ANKRD29: variants seen among roughly 807,000 people sequenced by gnomAD.
ANKRD29 encodes ankyrin repeat domain 29.
Under a neutral mutation model 38.0 loss-of-function variants are expected in ANKRD29, and 32 were observed. The ratio of observed to expected loss-of-function variants is 0.84; its 90% confidence interval spans 0.64 to 1.13. The LOEUF is 1.13. ANKRD29 is among the 50% of genes most tolerant of loss of function. The pLI is 0.00. For synonymous variants in ANKRD29, 135 were observed against 152.4 expected (o/e 0.89, Z 0.84); for missense variants, 357 against 377.9 (o/e 0.94, Z 0.46).
At chr18:23,621,458 G>T (rs2059796493) in intron 6 of ANKRD29, among the ~76,000 whole-genome samples, 1 of 140,696 alleles carries the variant, frequency 7.1e-6, no homozygotes, top group South Asian at 2.2e-4. Context: ...TCTTGGGAGA[G>T]ACAGTGGAAG....
intron 1 of ANKRD29, among the ~76,000 whole-genome samples, chr18:23,654,180 T>C (rs923733139): frequency 1.3e-5 from 2 of 151,730 alleles, no homozygotes; most frequent in South Asian, 4.2e-4. Context: ...GCAGGAGAAT[T>C]GCTTGAATCC....
At position 23,629,956 on chromosome 18, in the gene ANKRD29, G is replaced by C; in HGVS notation, c.430-5C>G. 1 of 1,609,446 alleles carries C rather than the reference G, an allele frequency of 6.2e-7. No homozygotes were observed. Among genetic ancestry groups the C allele is most frequent in the Non-Finnish European group, 8.5e-7 (1 of 1,176,000 alleles). ...GAAGAGGGCAGTGGCTCCATCCTGA[G>C]AGAGAACAAATTAAAAGCATTAAAA... is the stretch of plus-strand genomic sequence containing the variant. On this transcript the variant is annotated splice_polypyrimidine_tract_variant and splice_region_variant and intron_variant, in intron 5 of 9. Transcript: ENST00000592179.
At chr18:23,640,556 A>G (rs2060060639) in intron 3 of ANKRD29, among the ~76,000 whole-genome samples, 1 of 152,172 alleles carries the variant, frequency 6.6e-6, no homozygotes, top group Non-Finnish European at 1.5e-5. Context: ...AGCTCAAAAC[A>G]TTTCTCAAAA....
rs772817461 is a variant in ANKRD29 at position 23,632,531 on chromosome 18, G to GTATATATATATATATA, written c.429+1519_429+1520insTATATATATATATATA. 3.4e-3 allele frequency among the ~76,000 whole-genome samples: 432 copies of GTATATATATATATATA among 126,890 alleles called. 4 individuals are homozygous for GTATATATATATATATA. Among genetic ancestry groups the GTATATATATATATATA allele is most frequent in the Non-Finnish European group, 3.9e-3 (246 of 63,018 alleles). 83.2% of individuals were successfully genotyped at this position (126,890 alleles called of 152,430 possible). A position where few individuals can be genotyped will look rare whatever the true frequency, so the allele number is the denominator to read the frequency against. On this transcript the variant is annotated intron_variant, in intron 5 of 9. Coordinates refer to ENST00000592179, the MANE Select transcript of ANKRD29 (RefSeq NM_173505.4). The stretch of plus-strand genomic sequence containing the variant: ...TCCTATTCAGTGTGTGTGTGTGTGT[G>GTATATATATATATATA]TGTATATATATATATATTACACACT...
At chr18:23,618,293 G>A (rs895177804) in intron 7 of ANKRD29, among the ~76,000 whole-genome samples, 1 of 152,212 alleles carries the variant, frequency 6.6e-6, no homozygotes, top group African/African-American at 2.4e-5. Context: ...CCCGTGTGTG[G>A]GTAGTGGGGC....
At chr18:23,621,602 T>C (rs376476265) in intron 6 of ANKRD29, among the ~76,000 whole-genome samples, 18 of 152,348 alleles carry the variant, frequency 1.2e-4, no homozygotes, top group South Asian at 6.2e-4. Flanking sequence ...ATTTGTACTT[T>C]AGTTTAAAAG....
chr18:23,616,368 C>T (rs58463682), intron 8 of ANKRD29, among the ~76,000 whole-genome samples: 4,813 of 149,308 alleles, frequency 0.032, 249 homozygotes, highest in African/African-American at 0.11. Flanking sequence ...ATCTCTACAA[C>T]AAATTTAAAA....
At chr18:23,635,636 A>G (rs2059993060) in intron 4 of ANKRD29, among the ~76,000 whole-genome samples, 1 of 152,192 alleles carries the variant, frequency 6.6e-6, no homozygotes, top group African/African-American at 2.4e-5. Context: ...GTAGTTTCTA[A>G]ATTTGGGCAT....
chr18:23,628,165 G>A (rs965281636), intron 6 of ANKRD29, among the ~76,000 whole-genome samples: 1 of 152,190 alleles, frequency 6.6e-6, no homozygotes, highest in African/African-American at 2.4e-5. Flanking sequence ...AATGATGAAA[G>A]TCAGGCCCAG....
intron 1 of ANKRD29, among the ~76,000 whole-genome samples, chr18:23,662,024 GA>G (rs369229716): frequency 0.022 from 2,134 of 98,994 alleles, 18 homozygotes; most frequent in South Asian, 0.065. Flanking sequence ...TTTCTCATTT[GA>G]AAAAAAAAAA....
chr18:23,614,655 G>A (rs1218655279), intron 8 of ANKRD29, among the ~76,000 whole-genome samples: 1 of 146,014 alleles, frequency 6.8e-6, no homozygotes, highest in African/African-American at 2.6e-5. Flanking sequence ...GCAACATAGC[G>A]AGACCCTGTC....
intron 1 of ANKRD29, among the ~76,000 whole-genome samples, chr18:23,655,950 G>A (rs887625701): frequency 8.0e-5 from 12 of 150,174 alleles, no homozygotes; most frequent in Non-Finnish European, 1.6e-4. Context: ...AAAATTAGCC[G>A]GGCGTAGTGG....
chr18:23,662,442 C>T (rs557709994), intron 1 of ANKRD29, among the ~76,000 whole-genome samples: 1 of 152,152 alleles, frequency 6.6e-6, no homozygotes, highest in Non-Finnish European at 1.5e-5. Context: ...CCCGCCGCCC[C>T]GTCGCCGGGC....
At chr18:23,654,530 A>G (rs930663597) in intron 1 of ANKRD29, among the ~76,000 whole-genome samples, 3 of 148,842 alleles carry the variant, frequency 2.0e-5, no homozygotes, top group African/African-American at 7.4e-5. Context: ...TGCGGCAAGG[A>G]ATTGCTTGAA....
intron 7 of ANKRD29, among the ~76,000 whole-genome samples, chr18:23,618,281 C>T (rs772286359): frequency 9.2e-5 from 14 of 152,198 alleles, no homozygotes; most frequent in South Asian, 4.1e-4. Flanking sequence ...TCTAGGCATC[C>T]GCCCGTGTGT....
chr18:23,607,810 T>C (rs1629847), intron 9 of ANKRD29, among the ~76,000 whole-genome samples: 86,854 of 151,998 alleles, frequency 0.57, 27,870 homozygotes, highest in East Asian at 0.87. Flanking sequence ...ACTACAGTAT[T>C]AAACCACTAA....
intron 3 of ANKRD29, among the ~76,000 whole-genome samples, chr18:23,644,468 AT>A (rs2060114285): frequency 6.6e-6 from 1 of 152,264 alleles, no homozygotes; most frequent in African/African-American, 2.4e-5. Context: ...CCACAGGAAA[AT>A]TAAGTGCTGA....
At chr18:23,623,826 G>C (rs1430343846) in intron 6 of ANKRD29, among the ~76,000 whole-genome samples, 1 of 151,696 alleles carries the variant, frequency 6.6e-6, no homozygotes, top group Non-Finnish European at 1.5e-5. Flanking sequence ...TTTATTTTTA[G>C]TAGAGATGGG....
At chr18:23,635,558 A>G (rs1184177773) in intron 4 of ANKRD29, among the ~76,000 whole-genome samples, 1 of 152,130 alleles carries the variant, frequency 6.6e-6, no homozygotes, top group African/African-American at 2.4e-5. Context: ...TGGACATCTG[A>G]GCTAATTGTA....
Sources: gnomAD v4.1 joint callset for allele counts (sites outside exome capture counted in the v4.1 genomes callset) on GRCh38, gnomAD v4.1.1 for gene constraint, MANE v1.5 for transcripts, NCBI Gene and HGNC (gene_info 2026-07-23, HGNC 2026-07-21) for gene names.